The following TRPS1 variants were observed in gnomAD, a reference collection of about 807,000 sequenced individuals.
TRPS1 encodes the protein zinc finger transcription factor Trps1.
Under a neutral mutation model 101.2 loss-of-function variants are expected in TRPS1, and 6 were observed. That is an observed-to-expected ratio of 0.06 (90% confidence interval 0.03 to 0.12). The LOEUF is 0.12. Among genes scored for constraint, TRPS1 ranks in the 10% least tolerant of loss-of-function variants. TRPS1 has a pLI of 1.00. For synonymous variants in TRPS1, 578 were observed against 589.8 expected, an observed-to-expected ratio of 0.98 and a Z score of 0.29; for missense variants, 1,363 against 1,567.0, an observed-to-expected ratio of 0.87 and a Z score of 2.20.
At chr8:115,578,197 T>C (rs1161825447) in intron 5 of TRPS1, among the ~76,000 whole-genome samples, 3 of 152,214 alleles carry the variant, frequency 2.0e-5, no homozygotes, top group Non-Finnish European at 4.4e-5. Context: ...TCTCCTAATT[T>C]TTTGAATCTA....
intron 1 of TRPS1, among the ~76,000 whole-genome samples, chr8:115,657,456 G>A (rs576750908): frequency 1.7e-4 from 26 of 152,206 alleles, no homozygotes; most frequent in African/African-American, 4.8e-4. Flanking sequence ...TGTGACTGAT[G>A]TTATTGAATT....
chr8:115,561,480 T>TC (rs1221676024), intron 5 of TRPS1, among the ~76,000 whole-genome samples: 4 of 151,978 alleles, frequency 2.6e-5, no homozygotes, highest in African/African-American at 9.7e-5. Flanking sequence ...GTTTTTTTTT[T>TC]TCTCTTAATT....
intron 5 of TRPS1, among the ~76,000 whole-genome samples, chr8:115,473,370 A>G (rs1041212375): frequency 6.6e-6 from 1 of 152,146 alleles, no homozygotes; most frequent in Admixed American, 6.5e-5. Context: ...TTCACTCACT[A>G]TCATGAGAAC....
In TRPS1 at chr8:115,619,275, T is replaced by C. The variant is rs770385858; in HGVS notation, c.823A>G (p.Ser275Gly). The C allele has an allele frequency of 1.5e-5, 25 of 1,613,800 alleles. No individual in the cohort carries two copies. The highest frequency in any genetic ancestry group is 2.0e-5 in the Non-Finnish European group (24 of 1,179,776). Reference protein sequence around the residue: ...NRTRQDAELDSKILALHNMVQ... With the variant: ...NRTRQDAELDGKILALHNMVQ... ...ATGTTATGAAGGGCCAAGATTTTGC[T>C]GTCCAGCTCAGCATCTTGCCTGGTG... The change falls in exon 3 of 7, where the codon AGC becomes GGC. Residue 275 changes from serine (S) to glycine (G), a missense_variant. Physicochemically the swap from Ser to Gly is moderately conservative, Grantham distance 56. This residue lies in a region of TRPS1 where 1,020 missense variants were observed against 1,073.0 expected (regional missense o/e 0.95). Coordinates refer to ENST00000395715, the MANE Select transcript of TRPS1 (RefSeq NM_014112.5).
chr8:115,560,620 C>T (rs1816923627), intron 5 of TRPS1, among the ~76,000 whole-genome samples: 2 of 152,066 alleles, frequency 1.3e-5, no homozygotes, highest in Admixed American at 1.3e-4. Flanking sequence ...TAAACTGCCC[C>T]TGCTCCTGAA....
intron 5 of TRPS1, among the ~76,000 whole-genome samples, chr8:115,426,872 C>T (rs1813200125): frequency 6.6e-6 from 1 of 152,120 alleles, no homozygotes; most frequent in South Asian, 2.1e-4. Context: ...TATTACTCTC[C>T]TTTTATTGAT....
At chr8:115,596,667 T>C (rs1034337810) in intron 4 of TRPS1, among the ~76,000 whole-genome samples, 1 of 151,774 alleles carries the variant, frequency 6.6e-6, no homozygotes, top group African/African-American at 2.4e-5. Flanking sequence ...TATACATATA[T>C]ACTTATATGT....
chr8:115,444,223 C>T (rs1029087425), intron 5 of TRPS1, among the ~76,000 whole-genome samples: 6 of 151,942 alleles, frequency 3.9e-5, no homozygotes, highest in African/African-American at 1.5e-4. Context: ...ATGGTACATA[C>T]AATAGAACAG....
At chr8:115,565,488 T>A (rs1393244222) in intron 5 of TRPS1, among the ~76,000 whole-genome samples, 2 of 73,610 alleles carry the variant, frequency 2.7e-5, no homozygotes, top group Admixed American at 2.6e-4. Flanking sequence ...AATGACAGGT[T>A]TTTTTTTTTG....
intron 1 of TRPS1, among the ~76,000 whole-genome samples, chr8:115,627,150 C>A (rs1299777302): frequency 6.6e-6 from 1 of 151,666 alleles, no homozygotes; most frequent in Non-Finnish European, 1.5e-5. Context: ...AGCAAGAATA[C>A]CTCATGGAGC....
chr8:115,648,590 G>T (rs998113655), intron 1 of TRPS1, among the ~76,000 whole-genome samples: 6 of 152,156 alleles, frequency 3.9e-5, no homozygotes, highest in African/African-American at 1.4e-4. Context: ...TCCGTGAAAA[G>T]AAAATGGAAT....
chr8:115,565,989 T>C (rs1817058542), intron 5 of TRPS1, among the ~76,000 whole-genome samples: 1 of 152,160 alleles, frequency 6.6e-6, no homozygotes, highest in Non-Finnish European at 1.5e-5. Context: ...TACCTAATCT[T>C]GTACCATATT....
At chr8:115,513,689 A>G (rs1282901881) in intron 5 of TRPS1, among the ~76,000 whole-genome samples, 1 of 64,250 alleles carries the variant, frequency 1.6e-5, no homozygotes, top group Non-Finnish European at 3.0e-5. Context: ...TCAAAGACTA[A>G]AACATTTACT....
chr8:115,575,141 AATTATTCAGCTATAAAC>A lies in TRPS1; in HGVS notation c.2700+11843_2700+11859del, dbSNP rs796106411. Among the ~76,000 whole-genome samples, 163 of 152,276 alleles carry A rather than the reference AATTATTCAGCTATAAAC, an allele frequency of 1.1e-3. 1 individual carries two copies. The highest frequency in any genetic ancestry group is 3.8e-3 in the African/African-American group (160 of 41,576). On this transcript the variant is annotated intron_variant, in intron 5 of 6. Coordinates refer to ENST00000395715, the MANE Select transcript of TRPS1 (RefSeq NM_014112.5). ...AAATTTAAAATCGCAAGCAAGTTGCAATTATTCAGCTATAAACATACTAAAAGTGGCACTATTGATAA... is the reference window on the plus strand; with the variant it reads ...AAATTTAAAATCGCAAGCAAGTTGCAATACTAAAAGTGGCACTATTGATAA...
intron 2 of TRPS1, among the ~76,000 whole-genome samples, chr8:115,621,945 A>C (rs1818404569): frequency 6.6e-6 from 1 of 152,004 alleles, no homozygotes; most frequent in African/African-American, 2.4e-5. Context: ...AAAAACAAAA[A>C]CAAAAAGAAA....
chr8:115,636,690 G>A (rs781685682), intron 1 of TRPS1, among the ~76,000 whole-genome samples: 2 of 152,070 alleles, frequency 1.3e-5, no homozygotes, highest in Admixed American at 6.5e-5. Context: ...GAGGCAGGAG[G>A]ATAGCCTGAG....
intron 5 of TRPS1, among the ~76,000 whole-genome samples, chr8:115,461,906 A>G (rs1472702995): frequency 6.6e-6 from 1 of 152,180 alleles, no homozygotes; most frequent in East Asian, 1.9e-4. Context: ...AGTAAAATCT[A>G]ACAAATTCCA....
At chr8:115,592,511 T>C (rs1457445712) in intron 4 of TRPS1, among the ~76,000 whole-genome samples, 2 of 152,210 alleles carry the variant, frequency 1.3e-5, no homozygotes, top group African/African-American at 2.4e-5. Context: ...TCTTTCAGGC[T>C]ATTGAACACC....
Position 115,476,087 on chromosome 8 carries a change from C to T in TRPS1, c.2701-57635G>A, listed in dbSNP as rs1415386045. 6.8e-4 allele frequency among the ~76,000 whole-genome samples: 11 copies of T among 16,266 alleles called. 3 individuals are homozygous for T. The highest frequency in any genetic ancestry group is 6.4e-3 in the African/African-American group (3 of 468). 10.7% of individuals were successfully genotyped at this position (16,266 alleles called of 152,430 possible). ...AGGCTGGAGTGCAGTGGCGGGATCT[C>T]GGCTCACTGCAAGCTCCGCCTCCCG... On this transcript the variant is annotated intron_variant, in intron 5 of 6. Coordinates refer to ENST00000395715, the MANE Select transcript of TRPS1 (RefSeq NM_014112.5).
Sources: allele counts gnomAD v4.1 joint callset (sites outside exome capture counted in the v4.1 genomes callset), GRCh38; gene constraint gnomAD v4.1.1; regional missense constraint gnomAD v4.1.1; transcripts MANE v1.5; gene names NCBI Gene and HGNC (gene_info 2026-07-23, HGNC 2026-07-21).